FN1: variants seen among roughly 807,000 people sequenced by gnomAD.
FN1 encodes the protein fibronectin 1, also known as fibronectin.
FN1 carries 106 observed loss-of-function variants against 297.3 expected under a neutral mutation model. The ratio of observed to expected loss-of-function variants is 0.36; its 90% CI spans 0.30 to 0.42. The LOEUF (loss-of-function observed/expected upper bound fraction) is 0.42, where lower values mean the gene tolerates loss of function less well. Among genes scored for constraint, FN1 ranks in the 10% least tolerant of loss-of-function variants. The pLI is 1.00. For synonymous variants in FN1, 1,149 were observed against 1,152.6 expected, an observed-to-expected ratio of 1.00 and a Z score of 0.06; for missense variants, 2,690 against 3,124.9, an observed-to-expected ratio of 0.86 and a Z score of 3.32.
intron 26 of FN1, among the ~76,000 whole-genome samples, chr2:215,391,345 T>A (rs991664203): frequency 1.1e-4 from 17 of 152,366 alleles, no homozygotes; most frequent in Middle Eastern, 3.4e-3. Context: ...TGATATTCAC[T>A]TATTTTTACG....
chr2:215,362,335 A>C (rs2053631559), intron 44 of FN1: 4 of 485,910 alleles, frequency 8.2e-6, no homozygotes, highest in Admixed American at 6.6e-5. Flanking sequence ...CTTCCTATTC[A>C]AACCTTGCCC....
intron 38 of FN1, among the ~76,000 whole-genome samples, chr2:215,374,445 C>G (rs551100062): frequency 2.6e-5 from 4 of 152,204 alleles, no homozygotes; most frequent in African/African-American, 9.6e-5. Context: ...TGGGGTGGTT[C>G]CCCCAGGCTG....
intron 15 of FN1, among the ~76,000 whole-genome samples, chr2:215,408,815 C>T (rs955116417): frequency 6.6e-6 from 1 of 152,134 alleles, no homozygotes; most frequent in African/African-American, 2.4e-5. Context: ...AGTGATCCAC[C>T]AGCCTCAGCT....
chr2:215,389,694 G>A (rs1243542411), intron 26 of FN1, among the ~76,000 whole-genome samples: 1 of 152,162 alleles, frequency 6.6e-6, no homozygotes, highest in Non-Finnish European at 1.5e-5. Context: ...GGAGGCTGAG[G>A]CAGGAGAATC....
At chr2:215,375,817 T>C in intron 36 of FN1, 99 bp from the exon 37 acceptor site, 6 of 768,424 alleles carry the variant, frequency 7.8e-6, no homozygotes, top group South Asian at 1.5e-5. Flanking sequence ...TATCATCCCA[T>C]ATTTATATAG....
rs2054964896 is a variant in FN1 at position 215,367,913 on chromosome 2, A to G, written c.6968T>C (p.Leu2323Ser). The G allele has an allele frequency of 6.2e-7, 1 of 1,614,184 alleles. No individual in the cohort carries two copies. Among genetic ancestry groups the G allele is most frequent in the Non-Finnish European group, 8.5e-7 (1 of 1,180,010 alleles). ...ERMSESGFKL[L>S]CQCLGFGSGH... ...ACTTCCAAAGCCTAAGCACTGGCACAACAGTTTAAAGCCTGATTCAGACAT... is the reference window on the plus strand; with the variant it reads ...ACTTCCAAAGCCTAAGCACTGGCACGACAGTTTAAAGCCTGATTCAGACAT... Residue 2323 changes from leucine (L) to serine (S), a missense_variant, in exon 42 of 46, where the codon TTG becomes TCG. Leu to Ser is a moderately radical substitution (Grantham distance 145). Transcript: ENST00000354785.
intron 3 of FN1, among the ~76,000 whole-genome samples, chr2:215,433,075 AAC>A (rs1055342628): frequency 8.5e-5 from 13 of 152,094 alleles, no homozygotes; most frequent in Non-Finnish European, 1.3e-4. Context: ...TATGTACAGA[AAC>A]ACACACACTC....
In FN1 at chr2:215,381,070, G is replaced by A. The variant is rs1392926678; in HGVS notation, c.5175C>T (p.Arg1725=). ...LVQTAVTNID[R]PKGLAFTDVD... ...CATCAGTGAATGCCAGTCCTTTAGG[G>A]CGATCAATGTCTGTTAGGCAAATTA... Residue 1725 remains arginine (R), a synonymous_variant, in exon 33 of 46, where the codon CGC becomes CGT. Transcript: ENST00000354785. 3.1e-6 allele frequency: 5 copies of A among 1,614,038 alleles called. No homozygotes were observed. Among genetic ancestry groups the A allele is most frequent in the Admixed American group, 3.3e-5 (2 of 60,004 alleles).
In FN1 at chr2:215,382,310, G is replaced by GT; in HGVS notation, c.5065dup (p.Thr1689AsnfsTer3). On this transcript the variant is annotated frameshift_variant, in exon 32 of 46. Coordinates refer to ENST00000354785, the MANE Select transcript of FN1 (RefSeq NM_212482.4). LOFTEE classifies it high-confidence loss of function. ...CACTGTGGGCTGCAAGCCTTCAATA[G>GT]TCATTTCTGTTTGATCTGCAAAGGG... 6.2e-7 allele frequency: 1 copy of GT among 1,611,538 alleles called. No homozygotes were observed. The highest frequency in any genetic ancestry group is 8.5e-7 in the Non-Finnish European group (1 of 1,177,658).
Position 215,375,240 on chromosome 2 carries a change from G to A in FN1, c.6131C>T (p.Pro2044Leu), listed in dbSNP as rs747472574. ...PPREVVPRPR[P>L]GVTEATITGL... ...AGTAATAGTAGCCTCTGTGACACCAGGGCGGGGCCGAGGGACCACTTCTCT... is the reference window on the plus strand; with the variant it reads ...AGTAATAGTAGCCTCTGTGACACCAAGGCGGGGCCGAGGGACCACTTCTCT... The change falls in exon 38 of 46, where the codon CCT becomes CTT. Residue 2044 changes from proline to leucine, a missense_variant. Pro to Leu is a moderately conservative substitution (Grantham distance 98). This residue lies in a region of FN1 where 1,743 missense variants were observed against 1,945.2 expected (regional missense o/e 0.90). Coordinates refer to ENST00000354785, the MANE Select transcript of FN1 (RefSeq NM_212482.4). 4 of 1,614,118 alleles carry A rather than the reference G, an allele frequency of 2.5e-6. No individual in the cohort carries two copies. The highest frequency in any genetic ancestry group is 2.2e-5 in the East Asian group (1 of 44,868).
In FN1 at chr2:215,422,201, C is replaced by G. The variant is rs761729774; in HGVS notation, c.1436G>C (p.Arg479Pro). ...CTGCTTATCCCACTGATCTCCAATG[C>G]GGTACATGACCCCTTCATTGGTTGT... ...ICTTNEGVMY[R>P]IGDQWDKQHD... The change falls in exon 10 of 46, where the codon CGC becomes CCC. Residue 479 changes from arginine (R) to proline (P), a missense_variant. Arg to Pro is a moderately radical substitution (Grantham distance 103, BLOSUM62 -2). Transcript: ENST00000354785. 2.3e-5 allele frequency: 37 copies of G among 1,613,716 alleles called. No individual in the cohort carries two copies.
chr2:215,398,601 A>AT lies in FN1; in HGVS notation c.3348+655dup, dbSNP rs1324907465. ...CATTTACAAACTTTATCTTTGGTGT[A>AT]TTTTTTTAAACGATCAAGGGGATTG... is the stretch of plus-strand genomic sequence containing the variant. On this transcript the variant is annotated intron_variant, in intron 21 of 45. Transcript: ENST00000354785. Among the ~76,000 whole-genome samples, 4 of 152,272 alleles carry AT rather than the reference A, an allele frequency of 2.6e-5. No individual in the cohort carries two copies. In the East Asian group the frequency reaches 5.8e-4, roughly 22 times the overall value.
intron 11 of FN1, 80 bp downstream of exon 11, chr2:215,420,593 A>G: frequency 6.4e-7 from 1 of 1,570,592 alleles, no homozygotes; most frequent in Non-Finnish European, 8.8e-7. Flanking sequence ...CAGTCATGTG[A>G]TTTCACATAG....
intron 10 of FN1, chr2:215,421,237 G>C: frequency 4.2e-6 from 1 of 237,376 alleles, no homozygotes; most frequent in Non-Finnish European, 8.3e-6. Context: ...CTGGAATAGG[G>C]GGAAGGGGAG....
rs1217849460 is a variant in FN1, at chr2:215,407,942, C to A, written c.2518+166G>T. Among the ~76,000 whole-genome samples, 9 of 13,736 alleles carry A rather than the reference C, an allele frequency of 6.6e-4. No homozygotes were observed. The East Asian group carries it at 0.12, about 191-fold the overall frequency. 9.0% of individuals were successfully genotyped at this position (13,736 alleles called of 152,430 possible). ...GGGAAATGTGCCATAGAAAATAACTCCCCCACCCCCGCCACACACACACAC... is the reference window on the plus strand; with the variant it reads ...GGGAAATGTGCCATAGAAAATAACTACCCCACCCCCGCCACACACACACAC... On this transcript the variant is annotated intron_variant, in intron 17 of 45. Coordinates refer to ENST00000354785, the MANE Select transcript of FN1 (RefSeq NM_212482.4).
At chr2:215,431,662 C>T (rs1354741768) in intron 4 of FN1, among the ~76,000 whole-genome samples, 171 bp downstream of exon 4, 1 of 152,200 alleles carries the variant, frequency 6.6e-6, no homozygotes, top group African/African-American at 2.4e-5. Flanking sequence ...GATCTAACTC[C>T]TGTAAGAAGA....
chr2:215,383,001 CT>C (rs548983543), intron 31 of FN1, among the ~76,000 whole-genome samples: 433 of 141,862 alleles, frequency 3.1e-3, no homozygotes, highest in Middle Eastern at 7.3e-3. Context: ...GCAGATTACT[CT>C]TTTTTTTTTT....
At chr2:215,398,582 C>A (rs2060594289) in intron 21 of FN1, among the ~76,000 whole-genome samples, 1 of 152,152 alleles carries the variant, frequency 6.6e-6, no homozygotes, top group East Asian at 1.9e-4. Context: ...TGGCCATTTA[C>A]AAACTTTATC....
Position 215,424,131 on chromosome 2 carries a change from C to T in FN1, c.1216+15G>A. On this transcript the variant is annotated intron_variant, in intron 8 of 45. Coordinates refer to ENST00000354785, the MANE Select transcript of FN1 (RefSeq NM_212482.4). ...AGTTTTTCTCACTTCTGTGGCTCCC[C>T]CTTGGGACACTCACCAGTGTGGTCT... The T allele has an allele frequency of 6.2e-7, 1 of 1,613,554 alleles. No individual in the cohort carries two copies.
Sources: gnomAD v4.1 joint callset for allele counts (sites outside exome capture counted in the v4.1 genomes callset) on GRCh38, gnomAD v4.1.1 for gene constraint, gnomAD v4.1.1 regional missense constraint, MANE v1.5 for transcripts, NCBI Gene and HGNC (gene_info 2026-07-23, HGNC 2026-07-21) for gene names.